CDKAL1: variants seen among roughly 807,000 people sequenced by gnomAD.
The protein encoded by CDKAL1 is threonylcarbamoyladenosine tRNA methylthiotransferase.
CDKAL1 carries 32 observed loss-of-function variants against 68.2 expected under a neutral mutation model. The ratio of observed to expected loss-of-function variants is 0.47; its 90% CI spans 0.35 to 0.63. CDKAL1 has a LOEUF of 0.63. CDKAL1 is among the 30% of genes least tolerant of loss of function. CDKAL1 has a pLI of 0.00. For missense variants in CDKAL1, 606 were observed against 696.7 expected, an observed-to-expected ratio of 0.87 and a Z score of 1.47; for synonymous variants, 234 against 244.3, an observed-to-expected ratio of 0.96 and a Z score of 0.39.
intron 15 of CDKAL1, among the ~76,000 whole-genome samples, chr6:21,202,610 G>C (rs547080932): frequency 1.3e-5 from 2 of 152,240 alleles, no homozygotes; most frequent in Admixed American, 1.3e-4. Context: ...CAGTGAAAAG[G>C]GTTTCTCAGC....
rs1281957257 is a variant in CDKAL1 at position 20,593,171 on chromosome 6, A to G, written c.286+44466A>G. On this transcript the variant is annotated intron_variant, in intron 4 of 15. Transcript: ENST00000274695. Reference sequence around the variant, plus strand: ...TCTGCCAGGTTTTGGTATCAGGATGATGCTGGCCTCATAAAATGAGTTAGG... The same window carrying G: ...TCTGCCAGGTTTTGGTATCAGGATGGTGCTGGCCTCATAAAATGAGTTAGG... 3.3e-5 allele frequency among the ~76,000 whole-genome samples: 5 copies of G among 152,256 alleles called. No homozygotes were observed. The East Asian group carries it at 9.6e-4, about 29-fold the overall frequency.
At chr6:20,701,259 G>GTT (rs11305935) in intron 5 of CDKAL1, among the ~76,000 whole-genome samples, 72 of 118,564 alleles carry the variant, frequency 6.1e-4, no homozygotes, top group African/African-American at 1.4e-3. Context: ...ACATGAAGTT[G>GTT]TTTTTTTTTT....
intron 10 of CDKAL1, among the ~76,000 whole-genome samples, chr6:20,995,677 TACAG>T (rs1388046948): frequency 6.6e-6 from 1 of 152,092 alleles, no homozygotes; most frequent in African/African-American, 2.4e-5. Flanking sequence ...ATTTATAGAG[TACAG>T]ACAGAGTCAA....
At chr6:20,713,974 TAAAAA>T (rs562987504) in intron 5 of CDKAL1, among the ~76,000 whole-genome samples, 1 of 152,026 alleles carries the variant, frequency 6.6e-6, no homozygotes, top group Non-Finnish European at 1.5e-5. Context: ...ATTTTATCCT[TAAAAA>T]AAGAAAACAT....
chr6:20,987,435 A>G (rs931219726), intron 10 of CDKAL1, among the ~76,000 whole-genome samples: 1 of 152,002 alleles, frequency 6.6e-6, no homozygotes, highest in African/African-American at 2.4e-5. Flanking sequence ...TTGTATTTTT[A>G]GTAAAGACGG....
At position 20,544,319 on chromosome 6, in the gene CDKAL1, C is replaced by T. The variant is rs939603577; in HGVS notation, c.-5-2027C>T. On this transcript the variant is annotated intron_variant, in intron 2 of 15. Transcript: ENST00000274695. ...AGTCTTAAAATTGGGTAGACCAGGCCGGGCGCAGTGGCTCACGCCTGTAAT... is the reference window on the plus strand; with the variant it reads ...AGTCTTAAAATTGGGTAGACCAGGCTGGGCGCAGTGGCTCACGCCTGTAAT... 8.6e-5 allele frequency among the ~76,000 whole-genome samples: 13 copies of T among 151,850 alleles called. No individual in the cohort carries two copies. In the East Asian group the frequency reaches 1.6e-3, roughly 18 times the overall value.
At chr6:21,173,054 T>C (rs1777451368) in intron 13 of CDKAL1, among the ~76,000 whole-genome samples, 1 of 151,388 alleles carries the variant, frequency 6.6e-6, no homozygotes, top group African/African-American at 2.4e-5. Context: ...GTGTTTTGTC[T>C]GCTTCAGTAT....
chr6:20,756,942 CTCCT>C (rs1289585012), intron 6 of CDKAL1, among the ~76,000 whole-genome samples: 8 of 124,692 alleles, frequency 6.4e-5, no homozygotes, highest in Non-Finnish European at 3.3e-5. Flanking sequence ...CCTTCCTTCC[CTCCT>C]TCCTTCCTTC....
intron 12 of CDKAL1, among the ~76,000 whole-genome samples, chr6:21,068,423 A>C (rs1367701653): frequency 6.6e-6 from 1 of 151,958 alleles, no homozygotes; most frequent in Non-Finnish European, 1.5e-5. Flanking sequence ...GGGGAAGTTC[A>C]CGTTTGTTTT....
At chr6:21,043,347 T>TTGTGTGTG (rs34254730) in intron 11 of CDKAL1, among the ~76,000 whole-genome samples, 6 of 150,380 alleles carry the variant, frequency 4.0e-5, no homozygotes, top group Non-Finnish European at 7.4e-5. Context: ...GTGTGTGTGT[T>TTGTGTGTG]TGTGTGTGTG....
intron 13 of CDKAL1, among the ~76,000 whole-genome samples, chr6:21,125,820 C>T (rs568230838): frequency 5.3e-5 from 8 of 152,260 alleles, no homozygotes; most frequent in Non-Finnish European, 1.0e-4. Flanking sequence ...CTGTCTTCCT[C>T]TACTCTCAGC....
intron 13 of CDKAL1, among the ~76,000 whole-genome samples, chr6:21,117,867 G>C (rs1206041820): frequency 1.3e-5 from 2 of 152,060 alleles, no homozygotes. Flanking sequence ...TCCTATCCTT[G>C]TATATAATGC....
At chr6:21,087,779 C>G (rs923473889) in intron 12 of CDKAL1, among the ~76,000 whole-genome samples, 2 of 151,630 alleles carry the variant, frequency 1.3e-5, no homozygotes, top group African/African-American at 4.8e-5. Flanking sequence ...ATTTAATATA[C>G]AGATATGCAT....
chr6:20,837,937 TTGTGTGTGTG>T lies in CDKAL1; in HGVS notation c.639-8102_639-8093del, dbSNP rs531904726. Among the ~76,000 whole-genome samples, 1,093 of 123,192 alleles carry T rather than the reference TTGTGTGTGTG, an allele frequency of 8.9e-3. 6 individuals are homozygous for T. Among genetic ancestry groups the T allele is most frequent in the East Asian group, 0.038 (152 of 4,024 alleles). The allele number at this position is 123,192 out of a possible 152,430, so 80.8% of individuals were successfully genotyped here. A position where few individuals can be genotyped will look rare whatever the true frequency, so the allele number is the denominator to read the frequency against. ...AGTTAGGGGTGGAGCTGGGAAGAAA[TTGTGTGTGTG>T]TGTGTGTGTGTGTGTGTGTGTGTGT... On this transcript the variant is annotated intron_variant, in intron 8 of 15. Coordinates refer to ENST00000274695, the MANE Select transcript of CDKAL1 (RefSeq NM_017774.3).
At chr6:20,805,543 G>C (rs1159054574) in intron 8 of CDKAL1, among the ~76,000 whole-genome samples, 6 of 152,194 alleles carry the variant, frequency 3.9e-5, no homozygotes, top group Non-Finnish European at 7.3e-5. Context: ...TATCAAATTA[G>C]ATGGCAAAGC....
intron 8 of CDKAL1, among the ~76,000 whole-genome samples, chr6:20,844,742 G>T (rs891004885): frequency 6.6e-6 from 1 of 151,590 alleles, no homozygotes; most frequent in Non-Finnish European, 1.5e-5. Context: ...ATCGACAACA[G>T]TGTCTGATGC....
intron 8 of CDKAL1, among the ~76,000 whole-genome samples, chr6:20,830,288 C>A (rs1439864786): frequency 6.6e-6 from 1 of 152,168 alleles, no homozygotes; most frequent in Non-Finnish European, 1.5e-5. Context: ...TTTTCCCTTT[C>A]TTCAAACCAA....
At chr6:20,776,052 A>G (rs1232137545) in intron 7 of CDKAL1, among the ~76,000 whole-genome samples, 1 of 152,058 alleles carries the variant, frequency 6.6e-6, no homozygotes, top group South Asian at 2.1e-4. Context: ...GAATCATTGG[A>G]TTGGAAAATA....
At chr6:20,957,343 A>T (rs995457729) in intron 10 of CDKAL1, among the ~76,000 whole-genome samples, 1 of 152,208 alleles carries the variant, frequency 6.6e-6, no homozygotes, top group Non-Finnish European at 1.5e-5. Flanking sequence ...TGATTGCAAG[A>T]TTGCAGCAGC....
Sources: gnomAD v4.1 joint callset for allele counts (sites outside exome capture counted in the v4.1 genomes callset) on GRCh38, gnomAD v4.1.1 for gene constraint, MANE v1.5 for transcripts, NCBI Gene and HGNC (gene_info 2026-07-23, HGNC 2026-07-21) for gene names.